Variants in ENOX2 observed in about 807,000 individuals in gnomAD.
ENOX2 encodes ecto-NOX disulfide-thiol exchanger 2, also known as APK1 antigen.
Under a neutral mutation model 45.0 loss-of-function variants are expected in ENOX2, and 36 were observed. That is an observed-to-expected ratio of 0.80 (90% confidence interval 0.61 to 1.06). ENOX2 has a LOEUF of 1.06. ENOX2 is among the 50% of genes least tolerant of loss of function. The pLI, the probability that ENOX2 is intolerant of heterozygous loss-of-function variation, is 0.00. For synonymous variants in ENOX2, 174 were observed against 152.3 expected, an observed-to-expected ratio of 1.14 and a Z score of -1.05; for missense variants, 423 against 462.5, an observed-to-expected ratio of 0.91 and a Z score of 0.78.
chrX:130,670,950 A>G (rs897890569), intron 6 of ENOX2, among the ~76,000 whole-genome samples: 2 of 111,530 alleles, frequency 1.8e-5, no homozygotes, highest in Non-Finnish European at 3.8e-5. Context: ...CAGTTTCAAG[A>G]GCTCAGCTAG....
intron 3 of ENOX2, among the ~76,000 whole-genome samples, chrX:130,760,913 T>C (rs939964377): frequency 9.3e-6 from 1 of 107,916 alleles, no homozygotes; most frequent in Admixed American, 9.9e-5. Flanking sequence ...TTTTTCTGCA[T>C]TGTTTGACAA....
intron 4 of ENOX2, among the ~76,000 whole-genome samples, chrX:130,693,454 T>A (rs1401767236): frequency 8.9e-6 from 1 of 112,065 alleles, no homozygotes; most frequent in Non-Finnish European, 1.9e-5. Context: ...AAGGGGGGTT[T>A]AGTTACGTGC....
At chrX:130,785,846 C>T (rs183338092) in intron 2 of ENOX2, among the ~76,000 whole-genome samples, 11 of 112,163 alleles carry the variant, frequency 9.8e-5, no homozygotes, top group Non-Finnish European at 1.3e-4. Context: ...CCCGACAGAC[C>T]GGGATTCAAA....
chrX:130,689,799 A>C (rs1229006162), intron 4 of ENOX2, among the ~76,000 whole-genome samples: 1 of 111,689 alleles, frequency 9.0e-6, no homozygotes, highest in Non-Finnish European at 1.9e-5. Flanking sequence ...TGTTTAATTC[A>C]GGGATGCCTC....
chrX:130,787,652 C>A (rs2076988435), intron 2 of ENOX2, among the ~76,000 whole-genome samples: 1 of 111,061 alleles, frequency 9.0e-6, no homozygotes. Context: ...TTATGCTTGC[C>A]CTTTCTTTAG....
At chrX:130,791,190 G>A (rs1203947984) in intron 2 of ENOX2, among the ~76,000 whole-genome samples, 1 of 111,208 alleles carries the variant, frequency 9.0e-6, no homozygotes. Flanking sequence ...CTTTTCCTGA[G>A]CCTTTTAGAG....
At chrX:130,838,767 G>A (rs977765288) in intron 2 of ENOX2, among the ~76,000 whole-genome samples, 5 of 112,062 alleles carry the variant, frequency 4.5e-5, no homozygotes, top group Non-Finnish European at 9.4e-5. Flanking sequence ...CAAGGCACAT[G>A]TGGTCAAGGT....
intron 10 of ENOX2, among the ~76,000 whole-genome samples, chrX:130,637,617 A>G (rs944397791): frequency 2.7e-5 from 3 of 111,436 alleles, no homozygotes; most frequent in Admixed American, 9.6e-5. Context: ...CATGTTCCTC[A>G]TTCTCCACCT....
intron 5 of ENOX2, 46 bp downstream of exon 5, chrX:130,688,817 A>T: frequency 9.9e-7 from 1 of 1,006,544 alleles, no homozygotes; most frequent in Non-Finnish European, 1.4e-6. Flanking sequence ...GCTTTCTTGT[A>T]CACTAAAATA....
At chrX:130,708,642 C>A (rs756401527) in intron 3 of ENOX2, among the ~76,000 whole-genome samples, 20 of 112,174 alleles carry the variant, frequency 1.8e-4, no homozygotes, top group Non-Finnish European at 3.2e-4. Context: ...CTTGTTATTT[C>A]TAGTGCCTAG....
chrX:130,664,700 T>G (rs1289410417), intron 9 of ENOX2, among the ~76,000 whole-genome samples: 2 of 112,503 alleles, frequency 1.8e-5, no homozygotes, highest in African/African-American at 3.2e-5. Flanking sequence ...GAGCTGAGAT[T>G]TGAATTCATG....
chrX:130,689,056 G>A lies in ENOX2; in HGVS notation c.98-38C>T, dbSNP rs181287148. The A allele has an allele frequency of 2.7e-6, 3 of 1,129,266 alleles. No individual in the cohort carries two copies. The African/African-American group carries it at 5.4e-5, about 20-fold the overall frequency. 93.1% of individuals were successfully genotyped at this position (1,129,266 alleles called of 1,213,427 possible). A position where few individuals can be genotyped will look rare whatever the true frequency, so the allele number is the denominator to read the frequency against. ...AAGAGAGAACAATAAATGACACCAG[G>A]CAAAGTTAAGTGGAGATAGAATGTT... On this transcript the variant is annotated intron_variant, in intron 4 of 14. Transcript: ENST00000394363.
At chrX:130,723,341 C>A (rs1309093079) in intron 3 of ENOX2, among the ~76,000 whole-genome samples, 3 of 112,053 alleles carry the variant, frequency 2.7e-5, no homozygotes, top group Admixed American at 9.4e-5. Flanking sequence ...ATGTTATACA[C>A]AAAAGCCTAA....
chrX:130,789,262 T>C (rs1227149581), intron 2 of ENOX2, among the ~76,000 whole-genome samples: 2 of 112,526 alleles, frequency 1.8e-5, no homozygotes, highest in Admixed American at 9.4e-5. Flanking sequence ...TCATGATTCT[T>C]GTGTGAGAAG....
chrX:130,793,118 G>GC (rs1455007183), intron 2 of ENOX2, among the ~76,000 whole-genome samples: 4 of 112,322 alleles, frequency 3.6e-5, no homozygotes, highest in Non-Finnish European at 5.6e-5. Flanking sequence ...GGATGATAAT[G>GC]CCCCCCTTAC....
intron 3 of ENOX2, among the ~76,000 whole-genome samples, chrX:130,725,108 C>A (rs2038574177): frequency 9.0e-6 from 1 of 111,572 alleles, no homozygotes; most frequent in African/African-American, 3.3e-5. Flanking sequence ...AATGCAAAAA[C>A]CTTTCCTATA....
intron 3 of ENOX2, among the ~76,000 whole-genome samples, chrX:130,744,170 T>C (rs1300880304): frequency 1.8e-5 from 2 of 112,170 alleles, no homozygotes; most frequent in African/African-American, 3.2e-5. Context: ...GCTAGATTAA[T>C]AGCTGTCAGG....
rs764755656 is a variant in ENOX2 at position 130,831,656 on chromosome X, T to C, written c.-182-47966A>G. On this transcript the variant is annotated intron_variant, in intron 2 of 14. Transcript: ENST00000394363. ...CTTTCTCATAGAAACCTTTTTTCCA[T>C]GATATCAAAGTAGGTCCTCTCATAT... is the stretch of plus-strand genomic sequence containing the variant. Among the ~76,000 whole-genome samples, 25 of 111,953 alleles carry C rather than the reference T, an allele frequency of 2.2e-4. No homozygotes were observed. In the South Asian group the frequency reaches 8.9e-3, roughly 40 times the overall value.
chrX:130,756,311 G>A (rs766692491), intron 3 of ENOX2, among the ~76,000 whole-genome samples: 4 of 112,174 alleles, frequency 3.6e-5, no homozygotes, highest in African/African-American at 9.7e-5. Context: ...TGCTGCCTGC[G>A]GATGTTGTAC....
Sources: gnomAD v4.1 joint callset for allele counts (sites outside exome capture counted in the v4.1 genomes callset) on GRCh38, gnomAD v4.1.1 for gene constraint, MANE v1.5 for transcripts, NCBI Gene and HGNC (gene_info 2026-07-23, HGNC 2026-07-21) for gene names.